The following PYGB variants were observed in gnomAD, a reference collection of about 807,000 sequenced individuals.
PYGB encodes the protein glycogen phosphorylase, brain form.
Under a neutral mutation model 94.3 loss-of-function variants are expected in PYGB, and 82 were observed. The observed-to-expected ratio is 0.87, with a 90% CI of 0.73 to 1.04. The LOEUF (loss-of-function observed/expected upper bound fraction) is 1.04. Ranked by LOEUF, PYGB falls within the 50% of genes least tolerant of loss-of-function variation. PYGB has a pLI of 0.00. For synonymous variants in PYGB, 488 were observed against 479.1 expected (o/e 1.02, Z -0.24); for missense variants, 1,132 against 1,158.2 (o/e 0.98, Z 0.33).
At chr20:25,274,794 C>T in intron 5 of PYGB, 71 bp downstream of exon 5, 1 of 1,556,944 alleles carries the variant, frequency 6.4e-7, no homozygotes, top group Non-Finnish European at 8.6e-7. Flanking sequence ...CATTTGTAGA[C>T]AGCTCAGCTT....
intron 18 of PYGB, chr20:25,294,817 T>A: frequency 1.3e-6 from 1 of 778,020 alleles, no homozygotes; most frequent in Non-Finnish European, 2.3e-6. Flanking sequence ...GTTACAGACT[T>A]TGTAAGGTTT....
At chr20:25,279,175 C>A (rs2088342918) in intron 9 of PYGB, 26 bp downstream of exon 9, 1 of 1,606,288 alleles carries the variant, frequency 6.2e-7, no homozygotes, top group African/African-American at 1.3e-5. Context: ...AAGGGCGGCA[C>A]CTCCCCAGAG....
At chr20:25,291,479 G>T (rs981575053) in intron 16 of PYGB, among the ~76,000 whole-genome samples, 6 of 152,202 alleles carry the variant, frequency 3.9e-5, no homozygotes, top group Admixed American at 6.5e-5. Flanking sequence ...GGTGCAGGGG[G>T]GGATCCCTGG....
At chr20:25,264,994 G>T (rs1022628283) in intron 2 of PYGB, among the ~76,000 whole-genome samples, 2 of 152,202 alleles carry the variant, frequency 1.3e-5, no homozygotes, top group Non-Finnish European at 2.9e-5. Context: ...AAAGAAGAAA[G>T]CTGGAGGCAT....
chr20:25,274,721 C>A lies in PYGB; in HGVS notation c.658C>A (p.Gln220Lys). ...CGACGGCGTGAAGTGGCTGGACACA[C>A]AGGTACCTGGGCTGAAATGTCTGCG... is the stretch of plus-strand genomic sequence containing the variant. The part of the protein sequence containing the change: ...TPDGVKWLDT[Q>K]VVLAMPYDTP... The change falls in exon 5 of 20, where the codon CAG becomes AAG. Residue 220 changes from glutamine (Q) to lysine (K), a missense_variant and splice_region_variant. Transcript: ENST00000216962. 6.2e-7 allele frequency: 1 copy of A among 1,612,156 alleles called. No individual in the cohort carries two copies. Among genetic ancestry groups the A allele is most frequent in the African/African-American group, 1.3e-5 (1 of 75,060 alleles).
intron 4 of PYGB, among the ~76,000 whole-genome samples, chr20:25,272,327 A>AG (rs1175929717): frequency 5.3e-5 from 8 of 152,134 alleles, no homozygotes; most frequent in Non-Finnish European, 7.4e-5. Flanking sequence ...GGGAGTGGCA[A>AG]GGGGGGTTGG....
chr20:25,281,903 C>T (rs1600735700), intron 11 of PYGB, 130 bp from the exon 12 acceptor site: 3 of 264,732 alleles, frequency 1.1e-5, no homozygotes, highest in South Asian at 4.8e-5. Context: ...ACTCTGTTCT[C>T]CTTAGAAAAC....
At chr20:25,288,178 C>T (rs962764167) in intron 14 of PYGB, 4 of 647,760 alleles carry the variant, frequency 6.2e-6, no homozygotes, top group Non-Finnish European at 1.1e-5. Context: ...TGGCCTTCCT[C>T]ACCAGCGGGG....
At position 25,257,695 on chromosome 20, in the gene PYGB, C is replaced by T. The variant is rs570033943; in HGVS notation, c.244-1542C>T. ...AAAAATATACATTTTTAGTTAAAGG[C>T]AAAGTAAAAACATTCTGGTCATGTT... On this transcript the variant is annotated intron_variant, in intron 1 of 19. Coordinates refer to ENST00000216962, the MANE Select transcript of PYGB (RefSeq NM_002862.4). Among the ~76,000 whole-genome samples the T allele has an allele frequency of 2.7e-3, 417 of 152,254 alleles. 4 individuals carry two copies. Among genetic ancestry groups the T allele is most frequent in the African/African-American group, 9.7e-3 (401 of 41,538 alleles).
intron 3 of PYGB, among the ~76,000 whole-genome samples, chr20:25,269,704 A>G (rs938893740): frequency 6.6e-6 from 1 of 152,052 alleles, no homozygotes; most frequent in Non-Finnish European, 1.5e-5. Context: ...CTTTTCATCA[A>G]ATGCAAAACT....
chr20:25,276,723 C>T lies in PYGB; in HGVS notation c.738C>T (p.Ser246=), dbSNP rs200423855. Residue 246 remains serine, a synonymous_variant, in exon 6 of 20, where the codon TCC becomes TCT. Coordinates refer to ENST00000216962, the MANE Select transcript of PYGB (RefSeq NM_002862.4). ...NNTVNTMRLW[S]AKAPNDFKLQ... ...CCGTCAACACCATGCGGCTGTGGTCCGCCAAGGCTCCCAACGACTTCAAGC... is the reference window on the plus strand; with the variant it reads ...CCGTCAACACCATGCGGCTGTGGTCTGCCAAGGCTCCCAACGACTTCAAGC... 4.8e-5 allele frequency: 77 copies of T among 1,613,896 alleles called. No homozygotes were observed. Among genetic ancestry groups the T allele is most frequent in the Admixed American group, 1.3e-4 (8 of 59,994 alleles).
rs2088565828 is a variant in PYGB at position 25,297,442 on chromosome 20, G to GTTGT, written c.*920_*921insTTGT. The GTTGT allele has an allele frequency of 6.6e-6, 1 of 152,486 alleles. No individual in the cohort carries two copies. Among genetic ancestry groups the GTTGT allele is most frequent in the Non-Finnish European group, 1.5e-5 (1 of 68,078 alleles). The allele number at this position is 152,486 out of a possible 1,614,324, so 9.4% of individuals were successfully genotyped here. A position where few individuals can be genotyped will look rare whatever the true frequency, so the allele number is the denominator to read the frequency against. On this transcript the variant is annotated 3_prime_UTR_variant, in exon 20 of 20. Coordinates refer to ENST00000216962, the MANE Select transcript of PYGB (RefSeq NM_002862.4). ...CTCCCGCTGACTCCTGCTGTGTCCT[G>GTTGT]AGGTGCATTTCCTGTTGTACACACA...
Position 25,284,269 on chromosome 20 carries a change from C to G in PYGB, c.1768+18C>G, listed in dbSNP as rs1191039654. On this transcript the variant is annotated intron_variant, in intron 14 of 19. Coordinates refer to ENST00000216962, the MANE Select transcript of PYGB (RefSeq NM_002862.4). ...GTACAATCGTGAGTGCCGGCATCAC[C>G]TGCATGACCGCGCTGTGGGGCCCAA... 6.2e-7 allele frequency: 1 copy of G among 1,609,002 alleles called. No homozygotes were observed. The highest frequency in any genetic ancestry group is 2.2e-5 in the East Asian group (1 of 44,852).
At position 25,248,263 on chromosome 20, in the gene PYGB, C is replaced by G. The variant is rs766607816; in HGVS notation, c.85C>G (p.Arg29Gly). The change falls in exon 1 of 20, where the codon CGG becomes GGG. Residue 29 changes from arginine to glycine, a missense_variant. Arg to Gly is a moderately radical substitution (Grantham distance 125). Coordinates refer to ENST00000216962, the MANE Select transcript of PYGB (RefSeq NM_002862.4). ...GGGGCTAGGCGACGTGGCCGAGGTG[C>G]GGAAGAGCTTCAACCGGCACTTGCA... ...LAGLGDVAEV[R>G]KSFNRHLHFT... 6.2e-7 allele frequency: 1 copy of G among 1,600,340 alleles called. No individual in the cohort carries two copies. The highest frequency in any genetic ancestry group is 8.5e-7 in the Non-Finnish European group (1 of 1,174,126).
At chr20:25,248,473 C>A in intron 1 of PYGB, 52 bp downstream of exon 1, 1 of 1,301,838 alleles carries the variant, frequency 7.7e-7, no homozygotes, top group South Asian at 2.2e-5. Context: ...GGGCGCCGGT[C>A]CCGGAGCCGC....
intron 11 of PYGB, among the ~76,000 whole-genome samples, 191 bp from the exon 12 acceptor site, chr20:25,281,842 G>T (rs2088370292): frequency 1.3e-5 from 2 of 152,238 alleles, no homozygotes; most frequent in African/African-American, 4.8e-5. Context: ...GATGCCCCGG[G>T]GTGCAGGTGC....
intron 18 of PYGB, chr20:25,294,958 A>G (rs759573349): frequency 1.9e-6 from 3 of 1,614,030 alleles, no homozygotes; most frequent in Non-Finnish European, 2.5e-6. Context: ...TGACCGTGTC[A>G]CCTGTTGGCT....
intron 16 of PYGB, among the ~76,000 whole-genome samples, chr20:25,291,726 G>A (rs2088469378): frequency 6.6e-6 from 1 of 152,018 alleles, no homozygotes; most frequent in South Asian, 2.1e-4. Flanking sequence ...CTCATCTTTA[G>A]AGCAGGCCTT....
intron 18 of PYGB, 23 bp downstream of exon 18, chr20:25,294,315 G>T: frequency 6.6e-7 from 1 of 1,509,280 alleles, no homozygotes. Context: ...TCCCTGGTTG[G>T]GTGGCTGGGA....
Sources: gnomAD v4.1 joint callset for allele counts (sites outside exome capture counted in the v4.1 genomes callset) on GRCh38, gnomAD v4.1.1 for gene constraint, MANE v1.5 for transcripts, NCBI Gene and HGNC (gene_info 2026-07-23, HGNC 2026-07-21) for gene names.